PXDNL: variants seen among roughly 807,000 people sequenced by gnomAD.
PXDNL encodes peroxidasin like, also known as probable oxidoreductase PXDNL.
In PXDNL, 145 loss-of-function variants were observed where a neutral mutation model predicts 150.8. The observed-to-expected ratio is 0.96, with a 90% CI of 0.84 to 1.10. The LOEUF is 1.10. Among genes scored for constraint, PXDNL ranks in the 50% least tolerant of loss-of-function variants. The pLI is 0.00. For missense variants in PXDNL, 2,087 were observed against 1,873.9 expected (o/e 1.11, Z -2.10); for synonymous variants, 757 against 725.7 (o/e 1.04, Z -0.69).
chr8:51,411,207 T>G lies in PXDNL; in HGVS notation c.2062+43A>C, dbSNP rs73579684. 0.017 allele frequency: 22,609 copies of G among 1,354,072 alleles called. 3,014 individuals carry two copies. In the African/African-American group the frequency reaches 0.3, roughly 18 times the overall value. The allele number at this position is 1,354,072 out of a possible 1,614,324, so 83.9% of individuals were successfully genotyped here. A position where few individuals can be genotyped will look rare whatever the true frequency, so the allele number is the denominator to read the frequency against. On this transcript the variant is annotated intron_variant, in intron 16 of 22. Coordinates refer to ENST00000356297, the MANE Select transcript of PXDNL (RefSeq NM_144651.5). ...CTTTGCTAAGGTGGTGGTCAGTTTT[T>G]CTGTGGGCAGTAGGCTGAGAATAAA... is the stretch of plus-strand genomic sequence containing the variant.
rs994999894 is a variant in PXDNL at position 51,447,346 on chromosome 8, C to T, written c.1367-184G>A. Reference sequence around the variant, plus strand: ...ACAGCACCCCCATGCCGCTTGTCCCCGAAACTCTGCCACTGTATCATAAGG... The same window carrying T: ...ACAGCACCCCCATGCCGCTTGTCCCTGAAACTCTGCCACTGTATCATAAGG... On this transcript the variant is annotated intron_variant, in intron 11 of 22. Transcript: ENST00000356297. Among the ~76,000 whole-genome samples the T allele has an allele frequency of 5.3e-5, 8 of 151,986 alleles. No homozygotes were observed. In the South Asian group the frequency reaches 6.2e-4, roughly 12 times the overall value.
chr8:51,653,321 G>T (rs1815078503), intron 2 of PXDNL, among the ~76,000 whole-genome samples: 1 of 152,140 alleles, frequency 6.6e-6, no homozygotes, highest in Non-Finnish European at 1.5e-5. Context: ...AGGAGGCTGA[G>T]GCAGGAGAAT....
chr8:51,603,960 T>C (rs748539611), intron 2 of PXDNL, among the ~76,000 whole-genome samples: 246 of 152,120 alleles, frequency 1.6e-3, no homozygotes, highest in Non-Finnish European at 7.6e-4. Context: ...ACTAAAGATA[T>C]GGCTTTTTTT....
At chr8:51,467,211 A>G (rs1343259694) in intron 8 of PXDNL, among the ~76,000 whole-genome samples, 7 of 152,142 alleles carry the variant, frequency 4.6e-5, no homozygotes, top group Non-Finnish European at 7.4e-5. Flanking sequence ...TGCAGCCATA[A>G]AAAAGAATGG....
At chr8:51,800,111 C>T (rs1257574648) in intron 1 of PXDNL, among the ~76,000 whole-genome samples, 1 of 152,062 alleles carries the variant, frequency 6.6e-6, no homozygotes, top group African/African-American at 2.4e-5. Flanking sequence ...CAGGCAACTC[C>T]CTGTTAAACA....
chr8:51,548,571 T>C (rs1406378876), intron 4 of PXDNL, among the ~76,000 whole-genome samples: 2 of 152,180 alleles, frequency 1.3e-5, no homozygotes, highest in Non-Finnish European at 2.9e-5. Context: ...TCAAGAATTA[T>C]GTATCCAGCA....
chr8:51,524,069 A>G (rs1457097910), intron 4 of PXDNL, among the ~76,000 whole-genome samples: 1 of 152,158 alleles, frequency 6.6e-6, no homozygotes, highest in African/African-American at 2.4e-5. Flanking sequence ...GTGTGGCACC[A>G]CCCATACGAT....
intron 3 of PXDNL, among the ~76,000 whole-genome samples, chr8:51,570,105 A>G (rs1308328173): frequency 6.6e-6 from 1 of 151,920 alleles, no homozygotes; most frequent in African/African-American, 2.4e-5. Context: ...GTGAGACACA[A>G]GTAGACATTT....
At chr8:51,771,323 C>A (rs1482067349) in intron 1 of PXDNL, among the ~76,000 whole-genome samples, 1 of 152,154 alleles carries the variant, frequency 6.6e-6, no homozygotes, top group African/African-American at 2.4e-5. Flanking sequence ...TCATTTACAG[C>A]AAACATTGAA....
chr8:51,453,254 T>G (rs890148471), intron 10 of PXDNL, among the ~76,000 whole-genome samples: 2 of 152,212 alleles, frequency 1.3e-5, no homozygotes, highest in African/African-American at 4.8e-5. Flanking sequence ...CACAAATATC[T>G]CTTGACAGTT....
chr8:51,462,507 G>C (rs1810105438), intron 8 of PXDNL, among the ~76,000 whole-genome samples: 1 of 152,118 alleles, frequency 6.6e-6, no homozygotes, highest in South Asian at 2.1e-4. Flanking sequence ...AATACAGTTA[G>C]AAGCATTAAC....
chr8:51,670,439 T>C (rs1475567088), intron 1 of PXDNL, among the ~76,000 whole-genome samples: 1 of 152,212 alleles, frequency 6.6e-6, no homozygotes, highest in Non-Finnish European at 1.5e-5. Flanking sequence ...ATATAGTGTA[T>C]AGGGTGTACC....
chr8:51,635,526 C>T (rs188508964), intron 2 of PXDNL, among the ~76,000 whole-genome samples: 130 of 152,006 alleles, frequency 8.6e-4, no homozygotes, highest in African/African-American at 3.0e-3. Flanking sequence ...GAAGACAATA[C>T]TACTGACTTT....
intron 1 of PXDNL, among the ~76,000 whole-genome samples, chr8:51,703,603 T>C: frequency 6.6e-6 from 1 of 152,184 alleles, no homozygotes; most frequent in African/African-American, 2.4e-5. Context: ...TCTGGTATGC[T>C]TGATAAAAAC....
chr8:51,777,287 A>G (rs780393548), intron 1 of PXDNL, among the ~76,000 whole-genome samples: 5 of 152,248 alleles, frequency 3.3e-5, no homozygotes, highest in South Asian at 4.1e-4. Context: ...TAGGAATAAC[A>G]TTATTATCTA....
chr8:51,326,992 T>C (rs1222649409), intron 21 of PXDNL, among the ~76,000 whole-genome samples: 2 of 144,284 alleles, frequency 1.4e-5, no homozygotes, highest in African/African-American at 5.1e-5. Flanking sequence ...TAATCCCATG[T>C]GAACAAAAAG....
intron 2 of PXDNL, among the ~76,000 whole-genome samples, chr8:51,640,225 T>C (rs369210423): frequency 6.6e-6 from 1 of 152,156 alleles, no homozygotes; most frequent in Non-Finnish European, 1.5e-5. Flanking sequence ...GAGCTATCTA[T>C]GACAAACCCA....
At chr8:51,499,916 G>C in intron 4 of PXDNL, 146 bp from the exon 5 acceptor site, 2 of 592,288 alleles carry the variant, frequency 3.4e-6, no homozygotes, top group Non-Finnish European at 6.0e-6. Context: ...GAAACTCTGA[G>C]ATATTTTGTC....
chr8:51,656,252 T>G (rs1001228485), intron 1 of PXDNL, among the ~76,000 whole-genome samples: 2 of 152,224 alleles, frequency 1.3e-5, no homozygotes, highest in Admixed American at 6.5e-5. Context: ...ATCTATCATC[T>G]ATCACTTCAT....
Sources: gnomAD v4.1 joint callset for allele counts (sites outside exome capture counted in the v4.1 genomes callset) on GRCh38, gnomAD v4.1.1 for gene constraint, MANE v1.5 for transcripts, NCBI Gene and HGNC (gene_info 2026-07-23, HGNC 2026-07-21) for gene names.